The following GPHN variants were observed in gnomAD, a reference collection of about 807,000 sequenced individuals.
The protein encoded by GPHN is gephyrin.
A neutral mutation model predicts 95.5 loss-of-function variants in GPHN; 17 were observed. The observed-to-expected ratio is 0.18, with a 90% confidence interval of 0.12 to 0.27. The LOEUF is 0.27. GPHN is among the 10% of genes least tolerant of loss of function. The probability of loss-of-function intolerance (pLI) is 1.00; values close to 1 mark genes in which losing one functional copy is unlikely to be tolerated. For missense variants in GPHN, 660 were observed against 978.1 expected (o/e 0.67, Z 4.34); for synonymous variants, 320 against 322.5 (o/e 0.99, Z 0.08).
chr14:67,376,054 AT>A, the GPHN span, among the ~76,000 whole-genome samples: 2 of 152,076 alleles, frequency 1.3e-5, no homozygotes, highest in South Asian at 2.1e-4. Context: ...CAGAAAAAAA[AT>A]TTTTTTTATC....
At chr14:67,463,221 C>T in the GPHN span, among the ~76,000 whole-genome samples, 11 of 151,726 alleles carry the variant, frequency 7.2e-5, no homozygotes, top group Non-Finnish European at 1.3e-4. Context: ...GAGTTCAAGA[C>T]CAGCCTGGGC....
At chr14:67,399,026 G>A in the GPHN span, among the ~76,000 whole-genome samples, 516 of 152,304 alleles carry the variant, frequency 3.4e-3, 3 homozygotes, top group Non-Finnish European at 6.1e-3. Context: ...ATCCTTGCAC[G>A]TAAATTTTGA....
the GPHN span, chr14:67,685,219 C>A: frequency 5.0e-6 from 8 of 1,604,018 alleles, no homozygotes; most frequent in South Asian, 7.8e-5. Context: ...TTGGGGGTGG[C>A]ATGAAGAGAG....
intron 17 of GPHN, among the ~76,000 whole-genome samples, chr14:67,138,196 G>A (rs1324565571): frequency 6.6e-6 from 1 of 152,188 alleles, no homozygotes; most frequent in Admixed American, 6.5e-5. Flanking sequence ...GAACCTCAGT[G>A]TCCTCTTTTG....
intron 4 of GPHN, among the ~76,000 whole-genome samples, chr14:66,873,165 AG>A (rs2063514743): frequency 6.6e-6 from 1 of 152,176 alleles, no homozygotes; most frequent in South Asian, 2.1e-4. Flanking sequence ...TCACACAGGA[AG>A]CACTAGGGAT....
chr14:67,279,824 T>C, the GPHN span: 1 of 334,828 alleles, frequency 3.0e-6, no homozygotes, highest in Non-Finnish European at 5.4e-6. Flanking sequence ...TTACCTTTTA[T>C]ATCAAACCAC....
chr14:66,581,274 T>C (rs1246672688), intron 1 of GPHN, among the ~76,000 whole-genome samples: 1 of 151,616 alleles, frequency 6.6e-6, no homozygotes, highest in East Asian at 1.9e-4. Context: ...TCATAAAATA[T>C]TATTGGGTGA....
chr14:66,770,825 T>A (rs924107244), intron 2 of GPHN, among the ~76,000 whole-genome samples: 3 of 150,994 alleles, frequency 2.0e-5, no homozygotes, highest in African/African-American at 2.5e-5. Context: ...ATTGTTTTAT[T>A]TTATTATTGT....
chr14:67,374,976 G>A, the GPHN span, among the ~76,000 whole-genome samples: 1 of 152,186 alleles, frequency 6.6e-6, no homozygotes, highest in African/African-American at 2.4e-5. Flanking sequence ...TATATGTTAA[G>A]AATGAACAGG....
intron 17 of GPHN, among the ~76,000 whole-genome samples, chr14:67,133,567 C>CA (rs931737962): frequency 5.3e-5 from 8 of 151,896 alleles, no homozygotes; most frequent in African/African-American, 1.7e-4. Flanking sequence ...TTTTAAAAAG[C>CA]AAAAAAAGTC....
At chr14:67,346,714 G>T in the GPHN span, among the ~76,000 whole-genome samples, 4 of 152,236 alleles carry the variant, frequency 2.6e-5, no homozygotes, top group East Asian at 7.7e-4. Flanking sequence ...TTTAAAAAGT[G>T]GAAGTGGGCT....
At chr14:67,335,318 T>C in the GPHN span, 1 of 152,232 alleles carries the variant, frequency 6.6e-6, no homozygotes, top group Non-Finnish European at 1.5e-5. Flanking sequence ...GCTGTACACC[T>C]AGTTGTACAG....
intron 9 of GPHN, among the ~76,000 whole-genome samples, chr14:66,983,978 T>C (rs969779405): frequency 4.6e-5 from 7 of 152,208 alleles, no homozygotes; most frequent in Non-Finnish European, 8.8e-5. Context: ...CTTAGATTTG[T>C]CATCAACTTC....
chr14:66,604,828 A>ACATCAGCTGAGAAT (rs2062438480), intron 1 of GPHN, among the ~76,000 whole-genome samples: 1 of 151,948 alleles, frequency 6.6e-6, no homozygotes, highest in Non-Finnish European at 1.5e-5. Flanking sequence ...TCTGATAGGT[A>ACATCAGCTGAGAAT]GTTTTTCAGC....
the GPHN span, among the ~76,000 whole-genome samples, chr14:67,597,467 G>C: frequency 6.6e-6 from 1 of 150,490 alleles, no homozygotes; most frequent in Non-Finnish European, 1.5e-5. Flanking sequence ...AACAGAGTGA[G>C]AACCTGTCTC....
At chr14:67,059,576 C>T (rs535554110) in intron 11 of GPHN, among the ~76,000 whole-genome samples, 4 of 152,230 alleles carry the variant, frequency 2.6e-5, no homozygotes, top group African/African-American at 7.2e-5. Flanking sequence ...CACAAACACC[C>T]TAATTTTTTT....
At chr14:66,591,284 T>C (rs1014663707) in intron 1 of GPHN, among the ~76,000 whole-genome samples, 3 of 152,150 alleles carry the variant, frequency 2.0e-5, no homozygotes, top group Admixed American at 6.5e-5. Flanking sequence ...CTATTCAACA[T>C]AGTATTGGAA....
At chr14:66,844,128 A>G (rs552943885) in intron 4 of GPHN, among the ~76,000 whole-genome samples, 15 of 152,080 alleles carry the variant, frequency 9.9e-5, no homozygotes, top group African/African-American at 3.6e-4. Context: ...GCTCTGCTCT[A>G]TTTTTTCCTT....
At chr14:67,518,764 G>C in the GPHN span, among the ~76,000 whole-genome samples, 4 of 152,370 alleles carry the variant, frequency 2.6e-5, no homozygotes, top group African/African-American at 9.6e-5. Context: ...GCTTGTTAGA[G>C]AGAATTGGTT....
Sources: gnomAD v4.1 joint callset for allele counts (sites outside exome capture counted in the v4.1 genomes callset) on GRCh38, gnomAD v4.1.1 for gene constraint, MANE v1.5 for transcripts, NCBI Gene and HGNC (gene_info 2026-07-23, HGNC 2026-07-21) for gene names.